MAGI1: variants seen among roughly 807,000 people sequenced by gnomAD.
MAGI1 encodes the protein membrane-associated guanylate kinase, WW and PDZ domain-containing protein 1.
In MAGI1, 58 loss-of-function variants were observed where a neutral mutation model predicts 139.9. The observed-to-expected ratio is 0.41, with a 90% CI of 0.34 to 0.52. MAGI1 has a LOEUF of 0.52. MAGI1 is among the 20% of genes least tolerant of loss of function. MAGI1 has a pLI of 0.12. For missense variants in MAGI1, 1,874 were observed against 1,901.6 expected, an observed-to-expected ratio of 0.99 and a Z score of 0.27; for synonymous variants, 812 against 737.9, an observed-to-expected ratio of 1.10 and a Z score of -1.63.
intron 2 of MAGI1, among the ~76,000 whole-genome samples, chr3:65,611,532 A>G (rs2083113659): frequency 6.9e-6 from 1 of 145,632 alleles, no homozygotes; most frequent in Non-Finnish European, 1.5e-5. Flanking sequence ...CAGATAGAAT[A>G]CTCTATATAT....
intron 3 of MAGI1, among the ~76,000 whole-genome samples, chr3:65,492,164 A>C (rs1952083986): frequency 6.6e-6 from 1 of 152,268 alleles, no homozygotes; most frequent in Non-Finnish European, 1.5e-5. Context: ...GTAAAGAGAT[A>C]CACATAATAA....
intron 1 of MAGI1, among the ~76,000 whole-genome samples, chr3:65,670,993 A>C (rs1239106848): frequency 1.3e-5 from 2 of 152,130 alleles, no homozygotes; most frequent in African/African-American, 4.8e-5. Flanking sequence ...AATAACTGAA[A>C]CTCATGAATT....
chr3:65,835,975 A>C (rs1162654987), intron 1 of MAGI1, among the ~76,000 whole-genome samples: 7 of 152,162 alleles, frequency 4.6e-5, no homozygotes, highest in Non-Finnish European at 7.4e-5. Context: ...ACTGAAGTCC[A>C]CATCACTGCA....
intron 1 of MAGI1, among the ~76,000 whole-genome samples, chr3:65,626,699 T>C (rs1055149436): frequency 6.6e-6 from 1 of 152,202 alleles, no homozygotes; most frequent in Non-Finnish European, 1.5e-5. Context: ...AGCTAGGGTT[T>C]ATGGTCATCA....
intron 1 of MAGI1, among the ~76,000 whole-genome samples, chr3:65,635,706 A>G (rs1170671668): frequency 6.6e-6 from 1 of 152,248 alleles, no homozygotes; most frequent in Non-Finnish European, 1.5e-5. Context: ...GGTATTCCAC[A>G]GCCTTGAACA....
chr3:65,438,739 A>G (rs946252426), intron 9 of MAGI1, among the ~76,000 whole-genome samples: 3 of 152,230 alleles, frequency 2.0e-5, no homozygotes, highest in African/African-American at 7.2e-5. Flanking sequence ...AAAGTAATAA[A>G]AAGGAGAATA....
At chr3:65,478,878 T>G in intron 3 of MAGI1, 80 bp from the exon 4 acceptor site, 45 of 1,054,196 alleles carry the variant, frequency 4.3e-5, no homozygotes, top group Non-Finnish European at 5.9e-5. Context: ...TCCAAATCTC[T>G]AGGCACATTA....
chr3:65,621,445 C>A (rs1266017198), intron 2 of MAGI1, among the ~76,000 whole-genome samples: 1 of 152,070 alleles, frequency 6.6e-6, no homozygotes. Flanking sequence ...TTTCTTTGAA[C>A]AAAATTATAC....
chr3:65,375,761 G>A lies in MAGI1; in HGVS notation c.3180C>T (p.Arg1060=). Residue 1060 remains arginine (R), a synonymous_variant, in exon 18 of 23, where the codon CGC becomes CGT. Transcript: ENST00000402939. The part of the protein sequence containing the change: ...IKEAGNTVTL[R]IIPGDESSNA... Reference sequence around the variant, plus strand: ...ATACTTTACCATCCCCAGGAATGATGCGGAGGGTAACTGTGTTTCCCGCTT... The same window carrying A: ...ATACTTTACCATCCCCAGGAATGATACGGAGGGTAACTGTGTTTCCCGCTT... The A allele has an allele frequency of 2.5e-6, 4 of 1,613,032 alleles. No individual in the cohort carries two copies. The highest frequency in any genetic ancestry group is 3.4e-6 in the Non-Finnish European group (4 of 1,179,052).
chr3:65,984,835 C>T (rs2065799062), intron 1 of MAGI1, among the ~76,000 whole-genome samples: 1 of 151,758 alleles, frequency 6.6e-6, no homozygotes, highest in Admixed American at 6.6e-5. Flanking sequence ...AGGTGTGAAC[C>T]ACCATGCCTG....
At chr3:65,966,665 T>A (rs2064760609) in intron 1 of MAGI1, among the ~76,000 whole-genome samples, 1 of 152,050 alleles carries the variant, frequency 6.6e-6, no homozygotes, top group African/African-American at 2.4e-5. Context: ...GCCATAGAAA[T>A]AAAATAGATT....
intron 2 of MAGI1, among the ~76,000 whole-genome samples, chr3:65,567,827 CTCTT>C (rs1429961483): frequency 6.6e-6 from 1 of 152,090 alleles, no homozygotes; most frequent in African/African-American, 2.4e-5. Flanking sequence ...CACATGGAGA[CTCTT>C]TCTCCAAAAA....
intron 3 of MAGI1, among the ~76,000 whole-genome samples, chr3:65,482,681 T>C (rs961287906): frequency 6.6e-6 from 1 of 152,246 alleles, no homozygotes; most frequent in African/African-American, 2.4e-5. Context: ...TACTGAAACC[T>C]ACAACCTTTA....
intron 3 of MAGI1, among the ~76,000 whole-genome samples, chr3:65,487,721 A>T (rs1392012264): frequency 6.6e-6 from 1 of 152,186 alleles, no homozygotes; most frequent in Non-Finnish European, 1.5e-5. Flanking sequence ...ACAAAAGAAG[A>T]TCACCACTCC....
intron 2 of MAGI1, among the ~76,000 whole-genome samples, chr3:65,578,951 G>C (rs750349767): frequency 6.6e-6 from 1 of 151,396 alleles, no homozygotes; most frequent in Admixed American, 6.6e-5. Context: ...GAGAGACAGA[G>C]AGAGAGAGAG....
At chr3:65,434,270 A>G (rs1054525989) in intron 10 of MAGI1, among the ~76,000 whole-genome samples, 1 of 152,176 alleles carries the variant, frequency 6.6e-6, no homozygotes, top group South Asian at 2.1e-4. Context: ...GTTGTGAGAA[A>G]CAACCATGGC....
At chr3:65,505,882 T>C (rs1386955964) in intron 2 of MAGI1, among the ~76,000 whole-genome samples, 4 of 152,202 alleles carry the variant, frequency 2.6e-5, no homozygotes, top group South Asian at 2.1e-4. Flanking sequence ...GGGCAAAACA[T>C]GATCACTGTT....
chr3:65,928,984 C>G (rs2062660618), intron 1 of MAGI1, among the ~76,000 whole-genome samples: 1 of 151,976 alleles, frequency 6.6e-6, no homozygotes, highest in Admixed American at 6.6e-5. Context: ...ATGCTTTCAG[C>G]TTATTTAATG....
intron 1 of MAGI1, among the ~76,000 whole-genome samples, chr3:65,684,167 C>CAAAAAAAAAAAAAAAAAAGAAA (rs2087817762): frequency 1.3e-5 from 1 of 79,414 alleles, no homozygotes. Flanking sequence ...GAGACTGTCT[C>CAAAAAAAAAAAAAAAAAAGAAA]AAAAAAAAAA....
Sources: allele counts gnomAD v4.1 joint callset (sites outside exome capture counted in the v4.1 genomes callset), GRCh38; gene constraint gnomAD v4.1.1; transcripts MANE v1.5; gene names NCBI Gene and HGNC (gene_info 2026-07-23, HGNC 2026-07-21).